The following SH2D4B variants were observed in gnomAD, a reference collection of about 807,000 sequenced individuals.
SH2D4B encodes the protein SH2 domain containing 4B, also known as SH2 domain-containing protein 4B.
Under a neutral mutation model 61.5 loss-of-function variants are expected in SH2D4B, and 45 were observed. That is an observed-to-expected ratio of 0.73 (90% CI 0.58 to 0.94). SH2D4B has a LOEUF of 0.94. Ranked by LOEUF, SH2D4B falls within the 40% of genes least tolerant of loss-of-function variation. The pLI, the probability that SH2D4B is intolerant of heterozygous loss-of-function variation, is 0.00. For missense variants in SH2D4B, 572 were observed against 574.2 expected, an observed-to-expected ratio of 1.00 and a Z score of 0.04; for synonymous variants, 224 against 220.4, an observed-to-expected ratio of 1.02 and a Z score of -0.14.
chr10:80,570,353 C>T, intron 2 of SH2D4B, 37 bp downstream of exon 2: 1 of 1,607,028 alleles, frequency 6.2e-7, no homozygotes, highest in Non-Finnish European at 8.5e-7. Flanking sequence ...GGGGCCTAGG[C>T]ATGGAAGCTA....
At chr10:80,571,374 G>C in intron 2 of SH2D4B, 57 bp from the exon 3 acceptor site, 1 of 1,562,406 alleles carries the variant, frequency 6.4e-7, no homozygotes, top group Non-Finnish European at 8.7e-7. Flanking sequence ...AAGTTCTATT[G>C]TTAGGTGGTC....
chr10:80,604,791 G>GTTTTTTTTTTTTTTTTTT (rs34202612), intron 5 of SH2D4B, among the ~76,000 whole-genome samples: 1 of 148,210 alleles, frequency 6.7e-6, no homozygotes. Flanking sequence ...ACTGTTCTTA[G>GTTTTTTTTTTTTTTTTTT]TTTTTTTTTT....
intron 3 of SH2D4B, among the ~76,000 whole-genome samples, chr10:80,584,703 C>A (rs1274897892): frequency 6.6e-6 from 1 of 152,170 alleles, no homozygotes; most frequent in Admixed American, 6.5e-5. Flanking sequence ...TTGCAGTAAA[C>A]TATTTTGATG....
chr10:80,586,860 A>C (rs34215840), intron 3 of SH2D4B, among the ~76,000 whole-genome samples: 35,801 of 151,968 alleles, frequency 0.24, 5,080 homozygotes, highest in African/African-American at 0.38. Context: ...GCACTCCTGA[A>C]GCCAGGGAGA....
At chr10:80,632,143 A>C (rs896931760) in intron 6 of SH2D4B, among the ~76,000 whole-genome samples, 1 of 151,774 alleles carries the variant, frequency 6.6e-6, no homozygotes, top group African/African-American at 2.4e-5. Context: ...GTGTGGAGAC[A>C]ACAACATGGG....
chr10:80,544,203 C>T (rs928056144), intron 1 of SH2D4B, among the ~76,000 whole-genome samples: 14 of 152,134 alleles, frequency 9.2e-5, no homozygotes, highest in Admixed American at 2.6e-4. Context: ...AGCAAGACCG[C>T]GAGCCCACGG....
chr10:80,614,905 T>C (rs1842643629), intron 6 of SH2D4B, among the ~76,000 whole-genome samples: 1 of 152,194 alleles, frequency 6.6e-6, no homozygotes, highest in Non-Finnish European at 1.5e-5. Flanking sequence ...TCCGTTGATG[T>C]TGTGTTGGTG....
chr10:80,588,711 AC>A lies in SH2D4B; in HGVS notation c.580del (p.Leu194Ter), dbSNP rs1334165026. The A allele has an allele frequency of 6.2e-7, 1 of 1,614,094 alleles. No homozygotes were observed. Among genetic ancestry groups the A allele is most frequent in the South Asian group, 1.1e-5 (1 of 91,088 alleles). On this transcript the variant is annotated frameshift_variant, in exon 4 of 8. Transcript: ENST00000646907. LOFTEE classifies it high-confidence loss of function. ...EEQRAKELYW[T>X]LKQAQLHCQA... The stretch of plus-strand genomic sequence containing the variant: ...GCAGAGGGCGAAGGAGCTCTACTGG[AC>A]CCTGAAGCAGGCTCAGCTGCATTGC...
chr10:80,554,770 G>A (rs934047442), intron 1 of SH2D4B, among the ~76,000 whole-genome samples: 2 of 152,108 alleles, frequency 1.3e-5, no homozygotes, highest in Non-Finnish European at 2.9e-5. Context: ...AGCACTTTGG[G>A]AGGCCGAGGC....
chr10:80,597,327 G>A (rs1167614995), intron 4 of SH2D4B, among the ~76,000 whole-genome samples: 1 of 152,138 alleles, frequency 6.6e-6, no homozygotes, highest in Non-Finnish European at 1.5e-5. Context: ...TTACATGCCC[G>A]AGTTACAGTT....
At chr10:80,596,290 A>C (rs1842384754) in intron 4 of SH2D4B, among the ~76,000 whole-genome samples, 1 of 152,196 alleles carries the variant, frequency 6.6e-6, no homozygotes, top group African/African-American at 2.4e-5. Context: ...AGAATTGCCA[A>C]ATACTGCTAA....
chr10:80,606,763 C>T (rs1414893968), intron 5 of SH2D4B, among the ~76,000 whole-genome samples: 1 of 152,122 alleles, frequency 6.6e-6, no homozygotes, highest in African/African-American at 2.4e-5. Context: ...ATCTTTTTAC[C>T]CAGGCCCTAC....
chr10:80,546,008 CTCTT>C (rs78171203), intron 1 of SH2D4B, among the ~76,000 whole-genome samples: 19,917 of 148,600 alleles, frequency 0.13, 1,418 homozygotes, highest in Non-Finnish European at 0.15. Context: ...CTTTCTCTCT[CTCTT>C]TCTTTCTTTC....
At chr10:80,585,476 G>A (rs1299856204) in intron 3 of SH2D4B, among the ~76,000 whole-genome samples, 6 of 152,010 alleles carry the variant, frequency 3.9e-5, no homozygotes, top group African/African-American at 1.2e-4. Context: ...CACCATGCCC[G>A]ACTAATTTTT....
Position 80,616,530 on chromosome 10 carries a change from A to G in SH2D4B, c.988+6979A>G, listed in dbSNP as rs111436913. Among the ~76,000 whole-genome samples, 439 of 152,326 alleles carry G rather than the reference A, an allele frequency of 2.9e-3. 4 individuals carry two copies. The highest frequency in any genetic ancestry group is 0.01 in the African/African-American group (428 of 41,574). On this transcript the variant is annotated intron_variant, in intron 6 of 7. Transcript: ENST00000646907. ...GTTGTAATGGTGTTCCTGAAATTTT[A>G]ACCCTTTTCTATCAGCTATCTGTAG...
intron 3 of SH2D4B, among the ~76,000 whole-genome samples, chr10:80,573,651 C>T (rs1005248408): frequency 2.6e-5 from 4 of 152,098 alleles, no homozygotes; most frequent in Middle Eastern, 6.3e-3. Context: ...TACTTGTGGA[C>T]CTTTTTGTGG....
intron 1 of SH2D4B, among the ~76,000 whole-genome samples, chr10:80,566,551 C>T (rs1841971556): frequency 6.6e-6 from 1 of 152,074 alleles, no homozygotes; most frequent in South Asian, 2.1e-4. Context: ...CCACCTTAGC[C>T]TTCCAAAGCG....
At chr10:80,635,956 A>G (rs1840158105) in intron 7 of SH2D4B, among the ~76,000 whole-genome samples, 1 of 151,834 alleles carries the variant, frequency 6.6e-6, no homozygotes, top group South Asian at 2.1e-4. Context: ...CCTTCCCCCA[A>G]CCGCACAACA....
Position 80,538,592 on chromosome 10 carries a change from C to T in SH2D4B, c.184+77C>T. 1.6e-6 allele frequency: 2 copies of T among 1,231,288 alleles called. No individual in the cohort carries two copies. The highest frequency in any genetic ancestry group is 2.7e-5 in the South Asian group (1 of 36,710). 76.3% of individuals were successfully genotyped at this position (1,231,288 alleles called of 1,614,324 possible). On this transcript the variant is annotated intron_variant, in intron 1 of 7. Coordinates refer to ENST00000646907, the MANE Select transcript of SH2D4B (RefSeq NM_001388272.1). This position sits in a 1 kb window ranked among gnomAD's most constrained non-coding sequence, Gnocchi z 4.8. ...GAAAAATTAGCAGGGCCAGGCTGTG[C>T]CCTTCTTCAAGATGGGCACTGGGGT...
Sources: gnomAD v4.1 joint callset for allele counts (sites outside exome capture counted in the v4.1 genomes callset) on GRCh38, gnomAD v4.1.1 for gene constraint, Gnocchi (gnomAD v3.1) non-coding constraint, MANE v1.5 for transcripts, NCBI Gene and HGNC (gene_info 2026-07-23, HGNC 2026-07-21) for gene names.